The following RIC1 variants were observed in gnomAD, a reference collection of about 807,000 sequenced individuals.
The protein encoded by RIC1 is RIC1 partner of RAB6A GEF complex.
Under a neutral mutation model 169.0 loss-of-function variants are expected in RIC1, and 88 were observed. That is an observed-to-expected ratio of 0.52 (90% CI 0.44 to 0.62). The LOEUF is 0.62. Ranked by LOEUF, RIC1 falls within the 20% of genes least tolerant of loss-of-function variation. The pLI, the probability that RIC1 is intolerant of heterozygous loss-of-function variation, is 0.00. For missense variants in RIC1, 1,877 were observed against 1,725.5 expected (o/e 1.09, Z -1.56); for synonymous variants, 790 against 601.5 (o/e 1.31, Z -4.59).
At chr9:5,634,130 A>G (rs998944993) in intron 1 of RIC1, among the ~76,000 whole-genome samples, 9 of 152,126 alleles carry the variant, frequency 5.9e-5, no homozygotes, top group Admixed American at 2.0e-4. Context: ...TTATCCATTC[A>G]TCTATTGACA....
At position 5,763,437 on chromosome 9, in the gene RIC1, C is replaced by G. The variant is rs749141847; in HGVS notation, c.2410C>G (p.Arg804Gly). Residue 804 changes from arginine (R) to glycine (G), a missense_variant, in exon 19 of 26, where the codon CGG (arginine) becomes GGG (glycine). By Grantham distance (125) the Arg-to-Gly change is moderately radical. Transcript: ENST00000414202. This position sits in a 1 kb window ranked among gnomAD's most constrained non-coding sequence, Gnocchi z 5.2. ...DTLLYDSLYT[R>G]NNAREQLEVL... ...TTTGCTCTATGATTCTTTATATACT[C>G]GGAACAATGCTAGAGAACAGCTGGA... is the stretch of plus-strand genomic sequence containing the variant. 6 of 1,614,150 alleles carry G rather than the reference C, an allele frequency of 3.7e-6. No individual in the cohort carries two copies. The highest frequency in any genetic ancestry group is 4.2e-6 in the Non-Finnish European group (5 of 1,180,018).
intron 6 of RIC1, 68 bp downstream of exon 6, chr9:5,720,818 C>G: frequency 7.6e-7 from 1 of 1,316,916 alleles, no homozygotes; most frequent in Non-Finnish European, 1.0e-6. Flanking sequence ...TTATCAAATT[C>G]TTCTCTATTT....
intron 2 of RIC1, among the ~76,000 whole-genome samples, chr9:5,685,152 C>G (rs1054951190): frequency 6.6e-6 from 1 of 151,164 alleles, no homozygotes; most frequent in Non-Finnish European, 1.5e-5. Flanking sequence ...GAAGAACATT[C>G]CATGCTCATG....
At chr9:5,696,936 G>T (rs1320886565) in intron 3 of RIC1, among the ~76,000 whole-genome samples, 1 of 152,178 alleles carries the variant, frequency 6.6e-6, no homozygotes, top group Non-Finnish European at 1.5e-5. Context: ...TGTTAAGCTA[G>T]CTTAGCCCTT....
At chr9:5,694,133 C>T (rs1274749543) in intron 3 of RIC1, among the ~76,000 whole-genome samples, 1 of 152,166 alleles carries the variant, frequency 6.6e-6, no homozygotes, top group Admixed American at 6.6e-5. Context: ...AAGAGCATAG[C>T]TACCTGAGGT....
intron 3 of RIC1, among the ~76,000 whole-genome samples, chr9:5,690,261 G>T (rs936806453): frequency 6.6e-6 from 1 of 151,996 alleles, no homozygotes; most frequent in African/African-American, 2.4e-5. Context: ...CTATTTTCTT[G>T]GGTATTCAGA....
chr9:5,742,798 G>GA (rs201838674), intron 8 of RIC1, 71 bp from the exon 9 acceptor site: 130,427 of 995,220 alleles, frequency 0.13, 454 homozygotes, highest in Non-Finnish European at 0.14. Context: ...GATTGTATTT[G>GA]AAAAAAAAAA....
At chr9:5,632,714 C>T (rs1426266219) in intron 1 of RIC1, among the ~76,000 whole-genome samples, 1 of 152,084 alleles carries the variant, frequency 6.6e-6, no homozygotes, top group Non-Finnish European at 1.5e-5. Context: ...GAGGATGAAA[C>T]TGTTGCATAA....
At chr9:5,641,635 C>T (rs1366289129) in intron 1 of RIC1, among the ~76,000 whole-genome samples, 1 of 115,144 alleles carries the variant, frequency 8.7e-6, no homozygotes, top group Admixed American at 7.9e-5. Context: ...TCTCCTCTGA[C>T]TATATTGTCA....
intron 1 of RIC1, among the ~76,000 whole-genome samples, 194 bp downstream of exon 1, chr9:5,629,647 G>T (rs897949422): frequency 1.3e-5 from 2 of 152,156 alleles, no homozygotes; most frequent in Non-Finnish European, 2.9e-5. Context: ...CCAGCCGGCG[G>T]TCCGGGGTGG....
At chr9:5,702,872 A>C (rs1822319573) in intron 3 of RIC1, among the ~76,000 whole-genome samples, 1 of 152,128 alleles carries the variant, frequency 6.6e-6, no homozygotes, top group African/African-American at 2.4e-5. Flanking sequence ...AAACAACCAG[A>C]TCTCACGATA....
rs760940887 is a variant in RIC1, at chr9:5,770,154, C to G, written c.3492C>G (p.Ile1164Met). ...TGAACCTTGAGATGGATGCTGGCAT[C>G]TCCAACATCCAGCGAAGTCAGAGCT... is the stretch of plus-strand genomic sequence containing the variant. ...PFLNLEMDAG[I>M]SNIQRSQSWL... The change falls in exon 23 of 26, where the codon ATC becomes ATG. Residue 1164 changes from isoleucine (I) to methionine (M), a missense_variant. Around this residue, in one of 3 missense-constraint regions of RIC1, gnomAD observed 681 missense variants for 582.0 expected, o/e 1.17. Coordinates refer to ENST00000414202, the MANE Select transcript of RIC1 (RefSeq NM_020829.4). 6.2e-7 allele frequency: 1 copy of G among 1,613,776 alleles called. No individual in the cohort carries two copies. The highest frequency in any genetic ancestry group is 1.7e-5 in the Admixed American group (1 of 59,982).
chr9:5,685,386 C>T (rs994171117), intron 2 of RIC1, among the ~76,000 whole-genome samples: 42 of 151,616 alleles, frequency 2.8e-4, no homozygotes, highest in African/African-American at 9.7e-4. Flanking sequence ...TACTACAAGG[C>T]TACAGTAACC....
rs547696731 is a variant in RIC1, at chr9:5,700,125, C to A, written c.332+10087C>A. ...TCCTTCATTGACATTTCTGTTCTTT[C>A]CTTCACAAATTCTGCCATGGCTTGT... On this transcript the variant is annotated intron_variant, in intron 3 of 25. Transcript: ENST00000414202. Among the ~76,000 whole-genome samples the A allele has an allele frequency of 2.0e-5, 3 of 151,478 alleles. No individual in the cohort carries two copies. In the South Asian group the frequency reaches 6.2e-4, roughly 31 times the overall value.
intron 2 of RIC1, among the ~76,000 whole-genome samples, chr9:5,689,255 G>T (rs1036237318): frequency 6.6e-6 from 1 of 151,710 alleles, no homozygotes; most frequent in Non-Finnish European, 1.5e-5. Flanking sequence ...GTTTCACCAC[G>T]TTAGCCAGAA....
chr9:5,725,480 C>G (rs1373174485), intron 6 of RIC1, among the ~76,000 whole-genome samples: 1 of 152,106 alleles, frequency 6.6e-6, no homozygotes, highest in African/African-American at 2.4e-5. Context: ...AGTGGTCTAT[C>G]AATTTCGTCA....
At chr9:5,660,581 A>G (rs747383331) in intron 2 of RIC1, among the ~76,000 whole-genome samples, 25 of 152,068 alleles carry the variant, frequency 1.6e-4, no homozygotes, top group Non-Finnish European at 2.9e-4. Context: ...TGTGGTTTTG[A>G]CTTGAATTTC....
intron 7 of RIC1, among the ~76,000 whole-genome samples, chr9:5,737,692 A>G (rs10815276): frequency 0.55 from 83,063 of 151,356 alleles, 23,501 homozygotes; most frequent in East Asian, 0.85. Flanking sequence ...AAATTTACAT[A>G]TAACTTTTGA....
At chr9:5,689,002 G>A (rs935484908) in intron 2 of RIC1, among the ~76,000 whole-genome samples, 1 of 146,604 alleles carries the variant, frequency 6.8e-6, no homozygotes, top group African/African-American at 2.5e-5. Flanking sequence ...TGACGCAGAT[G>A]TATGTCATGA....
Sources: gnomAD v4.1 joint callset for allele counts (sites outside exome capture counted in the v4.1 genomes callset) on GRCh38, gnomAD v4.1.1 for gene constraint, gnomAD v4.1.1 regional missense constraint, Gnocchi (gnomAD v3.1) non-coding constraint, MANE v1.5 for transcripts, NCBI Gene and HGNC (gene_info 2026-07-23, HGNC 2026-07-21) for gene names.